TENM3: variants seen among roughly 807,000 people sequenced by gnomAD.
The protein encoded by TENM3 is teneurin-3.
TENM3 carries 63 observed loss-of-function variants against 255.1 expected under a neutral mutation model. That is an observed-to-expected ratio of 0.25 (90% CI 0.20 to 0.30). TENM3 has a LOEUF of 0.30. TENM3 is among the 10% of genes least tolerant of loss of function. TENM3 has a pLI of 1.00. For synonymous variants in TENM3, 1,306 were observed against 1,322.3 expected (o/e 0.99, Z 0.27); for missense variants, 2,929 against 3,461.1 (o/e 0.85, Z 3.86).
chr4:182,513,415 AT>A (rs1337305297), intron 3 of TENM3, among the ~76,000 whole-genome samples: 1 of 151,764 alleles, frequency 6.6e-6, no homozygotes, highest in Non-Finnish European at 1.5e-5. Flanking sequence ...TTATGGAATT[AT>A]TTTTTTCTTT....
intron 3 of TENM3, among the ~76,000 whole-genome samples, chr4:182,437,550 A>G (rs1295522448): frequency 2.0e-5 from 3 of 152,038 alleles, no homozygotes; most frequent in Non-Finnish European, 4.4e-5. Flanking sequence ...TAATCCCAAC[A>G]CTTTGGGAGG....
intron 3 of TENM3, among the ~76,000 whole-genome samples, chr4:182,507,030 A>G (rs766892881): frequency 2.6e-5 from 4 of 152,178 alleles, no homozygotes; most frequent in Non-Finnish European, 4.4e-5. Context: ...GTCAGGTTGC[A>G]TACTGCAAAA....
chr4:182,199,455 G>T (rs1754042771), intron 1 of TENM3, among the ~76,000 whole-genome samples: 1 of 152,028 alleles, frequency 6.6e-6, no homozygotes, highest in South Asian at 2.1e-4. Flanking sequence ...ATTGCCTATT[G>T]CCCATTTCAT....
rs546243166 is a variant in TENM3 at position 182,761,280 on chromosome 4, G to A, written c.4892+6021G>A. Among the ~76,000 whole-genome samples the A allele has an allele frequency of 1.3e-4, 20 of 152,152 alleles. No homozygotes were observed. In the East Asian group the frequency reaches 2.9e-3, roughly 22 times the overall value. ...CTAGAAATACAAAAATTAGCCGGGC[G>A]TGGTGGCACTCACCTATAATCCCAG... On this transcript the variant is annotated intron_variant, in intron 22 of 27. Coordinates refer to ENST00000511685, the MANE Select transcript of TENM3 (RefSeq NM_001080477.4).
At chr4:182,315,730 A>G (rs945898786) in intron 1 of TENM3, among the ~76,000 whole-genome samples, 3 of 152,060 alleles carry the variant, frequency 2.0e-5, no homozygotes, top group Admixed American at 6.5e-5. Context: ...CCACATGTAT[A>G]TTGGTCTCTT....
rs1034640329 is a variant in TENM3, at chr4:182,400,784, G to GT, written c.511+53863dup. Reference sequence around the variant, plus strand: ...ACTAGTGTTATTTCGTTACTGAAAAGTTTTTTTTCCACTATAAAATCACTG... The same window carrying GT: ...ACTAGTGTTATTTCGTTACTGAAAAGTTTTTTTTTCCACTATAAAATCACTG... On this transcript the variant is annotated intron_variant, in intron 3 of 27. Coordinates refer to ENST00000511685, the MANE Select transcript of TENM3 (RefSeq NM_001080477.4). Among the ~76,000 whole-genome samples the GT allele has an allele frequency of 1.2e-4, 19 of 152,126 alleles. 1 individual carries two copies. In the East Asian group the frequency reaches 3.3e-3, roughly 26 times the overall value.
the TENM3 span, among the ~76,000 whole-genome samples, chr4:181,581,317 T>G: frequency 6.6e-6 from 1 of 152,104 alleles, no homozygotes; most frequent in Non-Finnish European, 1.5e-5. Context: ...GGTGCACGCC[T>G]GTAATCCCAG....
chr4:182,744,011 A>G, intron 19 of TENM3: 1 of 504,256 alleles, frequency 2.0e-6, no homozygotes, highest in Non-Finnish European at 2.6e-6. Context: ...CATTTCTGCC[A>G]AGTTGGCAAT....
chr4:181,546,674 A>C, the TENM3 span, among the ~76,000 whole-genome samples: 1 of 139,740 alleles, frequency 7.2e-6, no homozygotes, highest in African/African-American at 2.7e-5. Context: ...AGATCGCGCC[A>C]CTGCACTCCA....
intron 2 of TENM3, among the ~76,000 whole-genome samples, chr4:182,333,736 A>G (rs1297893278): frequency 6.6e-6 from 1 of 152,246 alleles, no homozygotes; most frequent in African/African-American, 2.4e-5. Flanking sequence ...TTGTAATAAG[A>G]AAATTAAATG....
At chr4:182,362,243 T>G (rs1003174245) in intron 3 of TENM3, among the ~76,000 whole-genome samples, 17 of 152,236 alleles carry the variant, frequency 1.1e-4, no homozygotes, top group Admixed American at 3.3e-4. Context: ...CACTGCTCTC[T>G]TCAAAGCTGT....
intron 3 of TENM3, among the ~76,000 whole-genome samples, chr4:182,521,415 T>C (rs571660356): frequency 1.8e-4 from 27 of 151,908 alleles, no homozygotes; most frequent in African/African-American, 5.3e-4. Flanking sequence ...TAAATTATCA[T>C]GCTTTGTTTG....
chr4:182,412,344 A>G (rs1028511218), intron 3 of TENM3, among the ~76,000 whole-genome samples: 1 of 152,188 alleles, frequency 6.6e-6, no homozygotes, highest in African/African-American at 2.4e-5. Context: ...CAACCAAAAT[A>G]CCACCAAACA....
At chr4:181,796,229 A>C in the TENM3 span, among the ~76,000 whole-genome samples, 1 of 152,184 alleles carries the variant, frequency 6.6e-6, no homozygotes, top group African/African-American at 2.4e-5. Context: ...TCCTTCATTC[A>C]TTCATCAAAA....
rs78588725 is a variant in TENM3, at chr4:182,290,140, C to T, written c.-75-33806C>T. Among the ~76,000 whole-genome samples the T allele has an allele frequency of 6.0e-3, 921 of 152,276 alleles. 2 individuals carry two copies. The highest frequency in any genetic ancestry group is 0.017 in the Middle Eastern group (5 of 294). On this transcript the variant is annotated intron_variant, in intron 1 of 27. Transcript: ENST00000511685. ...TCCTGTGTCGCTGTGGACTAACTGGCGGGGCAGTGTCTTATTCTGTGTGTC... is the reference window on the plus strand; with the variant it reads ...TCCTGTGTCGCTGTGGACTAACTGGTGGGGCAGTGTCTTATTCTGTGTGTC...
At chr4:181,859,191 C>A in the TENM3 span, among the ~76,000 whole-genome samples, 3 of 132,342 alleles carry the variant, frequency 2.3e-5, no homozygotes, top group Admixed American at 1.0e-4. Flanking sequence ...TGCAGTGAGC[C>A]GAGATCGTGC....
chr4:182,271,724 C>G (rs1031377774), intron 1 of TENM3, among the ~76,000 whole-genome samples: 1 of 152,210 alleles, frequency 6.6e-6, no homozygotes, highest in Non-Finnish European at 1.5e-5. Flanking sequence ...AATTAATTCT[C>G]ACAGCATCCA....
the TENM3 span, among the ~76,000 whole-genome samples, chr4:181,496,096 G>A: frequency 6.6e-6 from 1 of 151,958 alleles, no homozygotes; most frequent in East Asian, 1.9e-4. Flanking sequence ...TTAACGAGTA[G>A]GTATTGAATA....
chr4:182,017,340 T>C, the TENM3 span, among the ~76,000 whole-genome samples: 4 of 152,322 alleles, frequency 2.6e-5, no homozygotes, highest in East Asian at 7.7e-4. Flanking sequence ...TTTTTTTTCA[T>C]CTTCTACTCT....
Sources: gnomAD v4.1 joint callset for allele counts (sites outside exome capture counted in the v4.1 genomes callset) on GRCh38, gnomAD v4.1.1 for gene constraint, MANE v1.5 for transcripts, NCBI Gene and HGNC (gene_info 2026-07-23, HGNC 2026-07-21) for gene names.